Variants in POMT1 observed in about 807,000 individuals in gnomAD.
POMT1 encodes protein O-mannosyltransferase 1, also known as protein O-mannosyl-transferase 1.
POMT1 carries 85 observed loss-of-function variants against 101.6 expected under a neutral mutation model. The ratio of observed to expected loss-of-function variants is 0.84; its 90% CI spans 0.70 to 1.00. The LOEUF is 1.00. Among genes scored for constraint, POMT1 ranks in the 50% least tolerant of loss-of-function variants. The pLI is 0.00. For missense variants in POMT1, 857 were observed against 930.4 expected, an observed-to-expected ratio of 0.92 and a Z score of 1.03; for synonymous variants, 371 against 383.0, an observed-to-expected ratio of 0.97 and a Z score of 0.37.
In POMT1 at chr9:131,520,118, C is replaced by G; in HGVS notation, c.1623C>G (p.His541Gln). 1.2e-6 allele frequency: 2 copies of G among 1,613,840 alleles called. No homozygotes were observed. Among genetic ancestry groups the G allele is most frequent in the Non-Finnish European group, 1.7e-6 (2 of 1,180,020 alleles). ...MLALRSDDSE[H>Q]KYSSSPLEWV... ...CGCTGAGAAGTGATGACTCGGAACA[C>G]AAGTACAGCTCCAGCCCACTGGAGT... The change falls in exon 17 of 20, where the codon CAC becomes CAG. Residue 541 changes from histidine (H) to glutamine (Q), a missense_variant. Physicochemically the swap from His to Gln is conservative, Grantham distance 24. Coordinates refer to ENST00000402686, the MANE Select transcript of POMT1 (RefSeq NM_001077365.2).
At chr9:131,518,702 G>T in intron 14 of POMT1, 135 bp from the exon 15 acceptor site, 1 of 1,494,064 alleles carries the variant, frequency 6.7e-7, no homozygotes, top group South Asian at 1.1e-5. Flanking sequence ...TCTCAGGATG[G>T]AATCCCAATG....
rs1474877140 is a variant in POMT1 at position 131,511,512 on chromosome 9, G to A, written c.986+45G>A. On this transcript the variant is annotated intron_variant, in intron 10 of 19. Transcript: ENST00000402686. ...TTGAAGATAATTAAATGCTTTATTT[G>A]CTCGTAGATTTGCTTATCTTAGCAA... 3 of 1,611,354 alleles carry A rather than the reference G, an allele frequency of 1.9e-6. No individual in the cohort carries two copies. The East Asian group carries it at 6.7e-5, about 36-fold the overall frequency.
rs529486718 is a variant in POMT1, at chr9:131,516,428, C to T, written c.1272+906C>T. The T allele has an allele frequency of 1.6e-4, 27 of 164,034 alleles. No homozygotes were observed. In the South Asian group the frequency reaches 3.0e-3, roughly 18 times the overall value. 10.2% of individuals were successfully genotyped at this position (164,034 alleles called of 1,614,324 possible). Reference sequence around the variant, plus strand: ...TCCTCACAGGGAGCACTCCATCACACGGAGCACTTGCTCACACGGAGCACT... The same window carrying T: ...TCCTCACAGGGAGCACTCCATCACATGGAGCACTTGCTCACACGGAGCACT... On this transcript the variant is annotated intron_variant, in intron 13 of 19. Coordinates refer to ENST00000402686, the MANE Select transcript of POMT1 (RefSeq NM_001077365.2).
rs1949205577 is a variant in POMT1, at chr9:131,518,448, A to C, written c.1276A>C (p.Ile426Leu). ...MPAQNLWRLEIVNRGSDTDVW... is the reference protein window; with the variant it reads ...MPAQNLWRLELVNRGSDTDVW... ...TCCTTGAGATGTCTTTTTGCAGGAAATTGTGAACAGAGGATCTGACACAGA... is the reference window on the plus strand; with the variant it reads ...TCCTTGAGATGTCTTTTTGCAGGAACTTGTGAACAGAGGATCTGACACAGA... Residue 426 changes from isoleucine (I) to leucine (L), a missense_variant, in exon 14 of 20, where the codon ATT (isoleucine) becomes CTT (leucine). Physicochemically the swap from Ile to Leu is conservative, Grantham distance 5. Transcript: ENST00000402686. 6.2e-7 allele frequency: 1 copy of C among 1,613,084 alleles called. No individual in the cohort carries two copies. Among genetic ancestry groups the C allele is most frequent in the Admixed American group, 1.7e-5 (1 of 60,024 alleles).
At chr9:131,510,980 GCT>G in intron 9 of POMT1, 4 of 282,432 alleles carry the variant, frequency 1.4e-5, no homozygotes, top group Non-Finnish European at 2.7e-5. Flanking sequence ...GACGGCCAGT[GCT>G]GTAGTGCTGT....
chr9:131,513,778 G>A (rs1022893752), intron 12 of POMT1, among the ~76,000 whole-genome samples: 6 of 152,200 alleles, frequency 3.9e-5, no homozygotes, highest in East Asian at 3.9e-4. Flanking sequence ...GTCCTTGTCC[G>A]ACTTGCCTTC....
intron 12 of POMT1, among the ~76,000 whole-genome samples, 173 bp from the exon 13 acceptor site, chr9:131,515,253 G>A (rs530841058): frequency 8.5e-5 from 13 of 152,288 alleles, no homozygotes; most frequent in Non-Finnish European, 1.5e-4. Context: ...CACTCCCATC[G>A]CCGAGCCTCA....
chr9:131,506,979 A>C (rs1945980519), intron 4 of POMT1, among the ~76,000 whole-genome samples: 1 of 151,804 alleles, frequency 6.6e-6, no homozygotes, highest in African/African-American at 2.4e-5. Flanking sequence ...AGGCAGGAGA[A>C]GGGCGTGAAC....
At chr9:131,515,614 CA>C in intron 13 of POMT1, 92 bp downstream of exon 13, 1 of 1,171,768 alleles carries the variant, frequency 8.5e-7, no homozygotes, top group Non-Finnish European at 1.3e-6. Context: ...CTCCCTAACA[CA>C]GAGCACTTCC....
chr9:131,520,706 C>T (rs905083074), intron 17 of POMT1, among the ~76,000 whole-genome samples: 1 of 152,248 alleles, frequency 6.6e-6, no homozygotes, highest in Admixed American at 6.5e-5. Flanking sequence ...GCCCAGAGGC[C>T]GCCCCACCCC....
chr9:131,506,517 T>G, intron 4 of POMT1, 64 bp downstream of exon 4: 1 of 1,487,030 alleles, frequency 6.7e-7, no homozygotes, highest in Non-Finnish European at 9.4e-7. Context: ...TTGTGACTTT[T>G]GTAAGGATTA....
In POMT1 at chr9:131,518,822, C is replaced by T. The variant is rs1381900278; in HGVS notation, c.1366-15C>T. 3.1e-6 allele frequency: 5 copies of T among 1,613,820 alleles called. No homozygotes were observed. The highest frequency in any genetic ancestry group is 1.7e-5 in the Admixed American group (1 of 60,010). ...CCTTCCCATCACGCCCTTTACTCTC[C>T]TGCGGTGTCACCAGCTGAGCGGGGC... On this transcript the variant is annotated splice_polypyrimidine_tract_variant and intron_variant, in intron 14 of 19. Transcript: ENST00000402686.
chr9:131,520,048 C>T (rs1218107325), intron 16 of POMT1, 32 bp from the exon 17 acceptor site: 5 of 1,574,690 alleles, frequency 3.2e-6, no homozygotes, highest in African/African-American at 1.3e-5. Flanking sequence ...CATCCCCCAT[C>T]CTCAATCTCA....
chr9:131,512,428 G>T (rs1035787705), intron 11 of POMT1, among the ~76,000 whole-genome samples: 1 of 152,076 alleles, frequency 6.6e-6, no homozygotes, highest in African/African-American at 2.4e-5. Context: ...TCCTGCAAAA[G>T]TAGCATCATC....
chr9:131,509,555 T>G (rs1223696662), intron 6 of POMT1, among the ~76,000 whole-genome samples, 188 bp from the exon 7 acceptor site: 1 of 152,204 alleles, frequency 6.6e-6, no homozygotes, highest in Admixed American at 6.5e-5. Flanking sequence ...GGACAACATT[T>G]TCTGGGCAAA....
In POMT1 at chr9:131,518,898, T is replaced by C; in HGVS notation, c.1427T>C (p.Leu476Pro). The change falls in exon 15 of 20, where the codon CTG becomes CCG. Residue 476 changes from leucine (L) to proline (P), a missense_variant. By Grantham distance (98) the Leu-to-Pro change is moderately conservative. Coordinates refer to ENST00000402686, the MANE Select transcript of POMT1 (RefSeq NM_001077365.2). ...YRQLEIVGEKLSRGYHGSTVW... is the reference protein window; with the variant it reads ...YRQLEIVGEKPSRGYHGSTVW... ...CAACTGGAGATCGTCGGGGAGAAGC[T>C]GTCCCGGGGCTACCACGGGAGCACG... is the stretch of plus-strand genomic sequence containing the variant. The C allele has an allele frequency of 6.2e-7, 1 of 1,613,892 alleles. No individual in the cohort carries two copies.
Position 131,522,529 on chromosome 9 carries a change from G to A in POMT1, c.2003+305G>A, listed in dbSNP as rs1281232110. 1 of 553,826 alleles carries A rather than the reference G, an allele frequency of 1.8e-6. No individual in the cohort carries two copies. 34.3% of individuals were successfully genotyped at this position (553,826 alleles called of 1,614,324 possible). The stretch of plus-strand genomic sequence containing the variant: ...CAGGGAGCAAGGCCCAGGAGCCTGG[G>A]GTGTCAGAAACGGCAGCTGGTTATG... On this transcript the variant is annotated intron_variant, in intron 19 of 19. Coordinates refer to ENST00000402686, the MANE Select transcript of POMT1 (RefSeq NM_001077365.2). This position sits in a 1 kb window ranked among gnomAD's most constrained non-coding sequence, Gnocchi z 5.5.
chr9:131,509,131 C>A, intron 6 of POMT1, 109 bp downstream of exon 6: 1 of 767,246 alleles, frequency 1.3e-6, no homozygotes, highest in Non-Finnish European at 2.2e-6. Flanking sequence ...GAGACAGTAC[C>A]TTTTCATTTT....
In POMT1 at chr9:131,522,411, A is replaced by G. The variant is rs1250462525; in HGVS notation, c.2003+187A>G. On this transcript the variant is annotated intron_variant, in intron 19 of 19. Transcript: ENST00000402686. This position sits in a 1 kb window ranked among gnomAD's most constrained non-coding sequence, Gnocchi z 5.5. ...CAGATGAGGCACTGCAGGAACCCAG[A>G]GGGAGAAGTCGCGGCTGACAGAGAT... is the stretch of plus-strand genomic sequence containing the variant. 1.6e-6 allele frequency: 2 copies of G among 1,228,826 alleles called. No homozygotes were observed. The highest frequency in any genetic ancestry group is 2.6e-5 in the East Asian group (1 of 38,776). The allele number at this position is 1,228,826 out of a possible 1,614,324, so 76.1% of individuals were successfully genotyped here.
Sources: gnomAD v4.1 joint callset for allele counts (sites outside exome capture counted in the v4.1 genomes callset) on GRCh38, gnomAD v4.1.1 for gene constraint, Gnocchi (gnomAD v3.1) non-coding constraint, MANE v1.5 for transcripts, NCBI Gene and HGNC (gene_info 2026-07-23, HGNC 2026-07-21) for gene names.